LSAMP: variants seen among roughly 807,000 people sequenced by gnomAD.
The protein encoded by LSAMP is limbic system-associated membrane protein.
A neutral mutation model predicts 38.6 loss-of-function variants in LSAMP; 7 were observed. The ratio of observed to expected loss-of-function variants is 0.18; its 90% CI spans 0.10 to 0.34. The LOEUF (loss-of-function observed/expected upper bound fraction) is 0.34, where lower values mean the gene tolerates loss of function less well. Among genes scored for constraint, LSAMP ranks in the 10% least tolerant of loss-of-function variants. The probability of loss-of-function intolerance (pLI) is 1.00; values close to 1 mark genes in which losing one functional copy is unlikely to be tolerated. For synonymous variants in LSAMP, 154 were observed against 166.8 expected (o/e 0.92, Z 0.59); for missense variants, 313 against 420.0 (o/e 0.75, Z 2.23).
chr3:116,165,500 T>A (rs1281459729), intron 1 of LSAMP, among the ~76,000 whole-genome samples: 1 of 152,122 alleles, frequency 6.6e-6, no homozygotes, highest in Non-Finnish European at 1.5e-5. Flanking sequence ...AGATTAAAAC[T>A]TGGTTAATCA....
At chr3:116,300,565 A>G (rs1188173450) in intron 1 of LSAMP, among the ~76,000 whole-genome samples, 1 of 152,208 alleles carries the variant, frequency 6.6e-6, no homozygotes, top group East Asian at 1.9e-4. Context: ...GATCAGCAGC[A>G]GCATTAGATC....
At chr3:116,163,442 A>C (rs904866186) in intron 1 of LSAMP, among the ~76,000 whole-genome samples, 10 of 151,544 alleles carry the variant, frequency 6.6e-5, no homozygotes, top group African/African-American at 2.4e-4. Flanking sequence ...TCCATGGTGT[A>C]TATGTGCCAC....
At chr3:116,325,929 A>G (rs2047764325) in intron 1 of LSAMP, among the ~76,000 whole-genome samples, 1 of 152,326 alleles carries the variant, frequency 6.6e-6, no homozygotes, top group African/African-American at 2.4e-5. Context: ...TGAAGAAAGC[A>G]CAAGCGTATC....
chr3:116,206,173 T>A (rs1216528879), intron 1 of LSAMP, among the ~76,000 whole-genome samples: 3 of 149,414 alleles, frequency 2.0e-5, no homozygotes, highest in African/African-American at 7.4e-5. Flanking sequence ...TCTTCTAGAT[T>A]TTCTAGTTTA....
At chr3:116,228,905 C>T (rs1461650084) in intron 1 of LSAMP, among the ~76,000 whole-genome samples, 1 of 152,062 alleles carries the variant, frequency 6.6e-6, no homozygotes, top group Admixed American at 6.5e-5. Context: ...CAAATGATAA[C>T]TTCAGGAACC....
intron 1 of LSAMP, among the ~76,000 whole-genome samples, chr3:116,288,153 C>A (rs142826915): frequency 6.6e-6 from 1 of 151,992 alleles, no homozygotes; most frequent in African/African-American, 2.4e-5. Context: ...TTAGATGGAA[C>A]GAATAGGGAA....
intron 1 of LSAMP, among the ~76,000 whole-genome samples, chr3:116,335,943 T>C (rs2047915103): frequency 6.6e-6 from 1 of 152,052 alleles, no homozygotes; most frequent in African/African-American, 2.4e-5. Flanking sequence ...AGTTGAACTA[T>C]TGTTAAGCTG....
chr3:116,159,655 T>C (rs1449773772), intron 1 of LSAMP, among the ~76,000 whole-genome samples: 2 of 151,914 alleles, frequency 1.3e-5, no homozygotes, highest in African/African-American at 4.8e-5. Context: ...CTGGTGGGAG[T>C]ATAAATTAAT....
chr3:116,277,707 T>C (rs2047074699), intron 1 of LSAMP, among the ~76,000 whole-genome samples: 1 of 152,178 alleles, frequency 6.6e-6, no homozygotes, highest in Admixed American at 6.5e-5. Context: ...TTAAAGAGTG[T>C]AACCACAATC....
chr3:115,811,085 A>C (rs1415754510), intron 6 of LSAMP, among the ~76,000 whole-genome samples: 1 of 152,208 alleles, frequency 6.6e-6, no homozygotes, highest in Non-Finnish European at 1.5e-5. Context: ...AGACGATAAC[A>C]ACAAAAATAA....
intron 1 of LSAMP, among the ~76,000 whole-genome samples, chr3:116,160,365 C>T (rs1709856845): frequency 7.2e-6 from 1 of 138,828 alleles, no homozygotes; most frequent in African/African-American, 2.6e-5. Flanking sequence ...TGCCATTGCA[C>T]TTCAGCCTGG....
intron 1 of LSAMP, among the ~76,000 whole-genome samples, chr3:116,232,699 C>CTTTTTTTTTTTTTTTTTT (rs1219296323): frequency 1.1e-4 from 11 of 99,470 alleles, no homozygotes; most frequent in East Asian, 3.4e-4. Flanking sequence ...TTCTTTCTTT[C>CTTTTTTTTTTTTTTTTTT]TTTTTTTTTT....
At chr3:116,000,470 G>A (rs1038090223) in intron 3 of LSAMP, among the ~76,000 whole-genome samples, 1 of 152,118 alleles carries the variant, frequency 6.6e-6, no homozygotes, top group Admixed American at 6.6e-5. Context: ...AAACGCGGAT[G>A]GCCACCTCAC....
intron 3 of LSAMP, among the ~76,000 whole-genome samples, chr3:115,880,069 G>A (rs1288983426): frequency 6.6e-6 from 1 of 152,162 alleles, no homozygotes; most frequent in Non-Finnish European, 1.5e-5. Flanking sequence ...GAATGCAACA[G>A]ATATTCCAAG....
chr3:116,320,215 C>G (rs2047689758), intron 1 of LSAMP, among the ~76,000 whole-genome samples: 1 of 152,072 alleles, frequency 6.6e-6, no homozygotes, highest in African/African-American at 2.4e-5. Context: ...GAGTTCGAGA[C>G]CAGCCTGGCC....
At chr3:115,932,497 A>G (rs1937595906) in intron 3 of LSAMP, among the ~76,000 whole-genome samples, 1 of 152,250 alleles carries the variant, frequency 6.6e-6, no homozygotes, top group Admixed American at 6.5e-5. Flanking sequence ...GAGGGATAGG[A>G]TAGCAAGGTG....
intron 3 of LSAMP, among the ~76,000 whole-genome samples, chr3:115,995,535 G>C (rs991775200): frequency 1.3e-5 from 2 of 151,942 alleles, no homozygotes; most frequent in Non-Finnish European, 2.9e-5. Flanking sequence ...TTATGTTTTT[G>C]TTGTCAATGA....
At chr3:116,023,497 C>T (rs950259160) in intron 2 of LSAMP, among the ~76,000 whole-genome samples, 1 of 148,568 alleles carries the variant, frequency 6.7e-6, no homozygotes, top group Admixed American at 6.8e-5. Flanking sequence ...CCCAGCTACT[C>T]GGGAGGCTGA....
At chr3:116,233,115 G>A (rs1362085140) in intron 1 of LSAMP, among the ~76,000 whole-genome samples, 1 of 152,000 alleles carries the variant, frequency 6.6e-6, no homozygotes, top group Admixed American at 6.6e-5. Flanking sequence ...TAGAACATCT[G>A]AGAGCTTGCA....
Sources: gnomAD v4.1 joint callset for allele counts (sites outside exome capture counted in the v4.1 genomes callset) on GRCh38, gnomAD v4.1.1 for gene constraint, MANE v1.5 for transcripts, NCBI Gene and HGNC (gene_info 2026-07-23, HGNC 2026-07-21) for gene names.